PRKN: variants seen among roughly 807,000 people sequenced by gnomAD.
PRKN encodes the protein parkin RBR E3 ubiquitin protein ligase, also known as E3 ubiquitin-protein ligase parkin.
PRKN carries 56 observed loss-of-function variants against 59.5 expected under a neutral mutation model. The observed-to-expected ratio is 0.94, with a 90% CI of 0.76 to 1.18. The LOEUF (loss-of-function observed/expected upper bound fraction) is 1.18, where lower values mean the gene tolerates loss of function less well. PRKN is among the 50% of genes most tolerant of loss of function. The pLI is 0.00. For synonymous variants in PRKN, 250 were observed against 222.1 expected (o/e 1.13, Z -1.12); for missense variants, 657 against 596.4 (o/e 1.10, Z -1.06).
At chr6:162,546,349 T>A (rs372143677) in intron 1 of PRKN, among the ~76,000 whole-genome samples, 2 of 151,668 alleles carry the variant, frequency 1.3e-5, no homozygotes, top group African/African-American at 2.4e-5. Flanking sequence ...GTGATCCGCC[T>A]GCCTCGGTCT....
chr6:161,831,432 A>G (rs1018030864), intron 6 of PRKN, among the ~76,000 whole-genome samples: 1 of 152,214 alleles, frequency 6.6e-6, no homozygotes, highest in Admixed American at 6.5e-5. Context: ...GGGAAGAAAC[A>G]GCATTGTCTT....
At chr6:162,032,902 C>A (rs1297648304) in intron 5 of PRKN, among the ~76,000 whole-genome samples, 1 of 152,184 alleles carries the variant, frequency 6.6e-6, no homozygotes, top group Non-Finnish European at 1.5e-5. Flanking sequence ...ACAAAGAAAG[C>A]TGCATGTTTG....
At chr6:162,020,346 A>AAC (rs1783094990) in intron 5 of PRKN, among the ~76,000 whole-genome samples, 2 of 150,952 alleles carry the variant, frequency 1.3e-5, no homozygotes, top group South Asian at 2.1e-4. Context: ...AAAAAAAAAA[A>AAC]AAAAAAAAAA....
At chr6:161,994,446 T>C (rs1781765113) in intron 5 of PRKN, among the ~76,000 whole-genome samples, 1 of 152,008 alleles carries the variant, frequency 6.6e-6, no homozygotes, top group South Asian at 2.1e-4. Flanking sequence ...ACTACTCCAA[T>C]TCAACATAGT....
chr6:162,712,977 C>T (rs538849151), intron 1 of PRKN, among the ~76,000 whole-genome samples: 153 of 152,276 alleles, frequency 1.0e-3, no homozygotes, highest in Non-Finnish European at 1.2e-3. Context: ...CACTTCACCA[C>T]ACTAGAGTGT....
intron 6 of PRKN, among the ~76,000 whole-genome samples, chr6:161,867,979 T>C (rs1794192062): frequency 6.6e-6 from 1 of 151,824 alleles, no homozygotes; most frequent in African/African-American, 2.4e-5. Context: ...CATTCTGGTC[T>C]TGAACTCCTG....
intron 6 of PRKN, among the ~76,000 whole-genome samples, chr6:161,900,785 TAA>T (rs1491259135): frequency 9.4e-5 from 13 of 138,472 alleles, no homozygotes; most frequent in Admixed American, 1.6e-4. Flanking sequence ...TAATTATATA[TAA>T]AATATAAATA....
intron 2 of PRKN, among the ~76,000 whole-genome samples, chr6:162,309,210 G>T (rs1056376967): frequency 6.6e-6 from 1 of 152,066 alleles, no homozygotes; most frequent in Non-Finnish European, 1.5e-5. Context: ...ACCCAGCCTG[G>T]AGTGCAGTGG....
intron 2 of PRKN, among the ~76,000 whole-genome samples, chr6:162,393,692 A>G (rs2128145986): frequency 6.6e-6 from 1 of 152,334 alleles, no homozygotes; most frequent in Admixed American, 6.5e-5. Flanking sequence ...TTGTGGTAAG[A>G]GTAAATAATA....
At chr6:162,641,226 T>C (rs1015234441) in intron 1 of PRKN, among the ~76,000 whole-genome samples, 2 of 152,172 alleles carry the variant, frequency 1.3e-5, no homozygotes, top group Non-Finnish European at 2.9e-5. Context: ...TTAAGACATA[T>C]GGAACCCATG....
chr6:162,644,721 G>A (rs540083370), intron 1 of PRKN, among the ~76,000 whole-genome samples: 4 of 152,180 alleles, frequency 2.6e-5, no homozygotes, highest in South Asian at 4.1e-4. Context: ...TGCCATTTAT[G>A]AAAAATAAAT....
At chr6:161,827,509 CTTTTT>C (rs5881438) in intron 6 of PRKN, among the ~76,000 whole-genome samples, 1 of 124,920 alleles carries the variant, frequency 8.0e-6, no homozygotes, top group Non-Finnish European at 1.6e-5. Context: ...ATTGATTTTA[CTTTTT>C]TTTTTTTTTT....
intron 1 of PRKN, among the ~76,000 whole-genome samples, chr6:162,591,791 A>T (rs549522479): frequency 6.6e-6 from 1 of 152,234 alleles, no homozygotes; most frequent in East Asian, 1.9e-4. Context: ...TGAAATAAGT[A>T]AGTAATAATA....
intron 11 of PRKN, among the ~76,000 whole-genome samples, chr6:161,351,405 AC>A (rs948406982): frequency 3.3e-5 from 5 of 151,076 alleles, no homozygotes; most frequent in Non-Finnish European, 7.4e-5. Flanking sequence ...GCTCACTGCA[AC>A]CCCCACCTCC....
chr6:162,204,716 T>G (rs1040122997), intron 3 of PRKN, among the ~76,000 whole-genome samples: 1 of 150,642 alleles, frequency 6.6e-6, no homozygotes, highest in Non-Finnish European at 1.5e-5. Flanking sequence ...GAAGTTTTGT[T>G]TTTTTTTTTT....
At position 162,310,863 on chromosome 6, in the gene PRKN, G is replaced by A. The variant is rs552579661; in HGVS notation, c.172-48098C>T. Among the ~76,000 whole-genome samples, 3 of 151,608 alleles carry A rather than the reference G, an allele frequency of 2.0e-5. 1 individual carries two copies. The highest frequency in any genetic ancestry group is 2.1e-4 in the South Asian group (1 of 4,788). ...TTCAAAACAACTGACATACCTTTAG[G>A]GTCAATGAAATTTGAAACAACCACA... On this transcript the variant is annotated intron_variant, in intron 2 of 11. Transcript: ENST00000366898.
At chr6:162,545,756 A>G (rs1223153878) in intron 1 of PRKN, among the ~76,000 whole-genome samples, 1 of 152,206 alleles carries the variant, frequency 6.6e-6, no homozygotes, top group Non-Finnish European at 1.5e-5. Context: ...CAACTTTTAA[A>G]CATGTTTGAT....
At chr6:162,027,848 A>G (rs1179160810) in intron 5 of PRKN, among the ~76,000 whole-genome samples, 1 of 151,868 alleles carries the variant, frequency 6.6e-6, no homozygotes, top group African/African-American at 2.4e-5. Flanking sequence ...GAGAGGAGGA[A>G]GAAGGGGCAG....
In PRKN at chr6:161,699,140, C is replaced by T. The variant is rs118038553; in HGVS notation, c.871+86632G>A. ...GAGCACATGAAAAGAGGCTCAACAT[C>T]GTTAGTCATTAAGAGAATGCAAATT... On this transcript the variant is annotated intron_variant, in intron 7 of 11. Transcript: ENST00000366898. Among the ~76,000 whole-genome samples, 52 of 152,176 alleles carry T rather than the reference C, an allele frequency of 3.4e-4. No individual in the cohort carries two copies. The East Asian group carries it at 8.9e-3, about 26-fold the overall frequency.
Sources: allele counts gnomAD v4.1 joint callset (sites outside exome capture counted in the v4.1 genomes callset), GRCh38; gene constraint gnomAD v4.1.1; transcripts MANE v1.5; gene names NCBI Gene and HGNC (gene_info 2026-07-23, HGNC 2026-07-21).